NTM: variants seen among roughly 807,000 people sequenced by gnomAD.
NTM encodes the protein IgLON family member 2.
In NTM, 13 loss-of-function variants were observed where a neutral mutation model predicts 42.1. The observed-to-expected ratio is 0.31, with a 90% CI of 0.20 to 0.49. The LOEUF (loss-of-function observed/expected upper bound fraction) is 0.49, where lower values mean the gene tolerates loss of function less well. Among genes scored for constraint, NTM ranks in the 20% least tolerant of loss-of-function variants. The pLI is 0.99. For missense variants in NTM, 373 were observed against 452.8 expected, an observed-to-expected ratio of 0.82 and a Z score of 1.60; for synonymous variants, 187 against 179.2, an observed-to-expected ratio of 1.04 and a Z score of -0.35.
intron 2 of NTM, among the ~76,000 whole-genome samples, chr11:131,994,926 C>T (rs927781529): frequency 5.3e-5 from 8 of 152,152 alleles, no homozygotes; most frequent in African/African-American, 7.2e-5. Context: ...CTAGATTCCT[C>T]CCCCTCTCTT....
chr11:131,951,219 G>A (rs1409323948), intron 2 of NTM, among the ~76,000 whole-genome samples: 1 of 152,170 alleles, frequency 6.6e-6, no homozygotes, highest in Admixed American at 6.5e-5. Context: ...GAGGCTCTTA[G>A]TGTAACAGTA....
At chr11:131,975,375 T>C (rs1201584222) in intron 2 of NTM, among the ~76,000 whole-genome samples, 1 of 152,130 alleles carries the variant, frequency 6.6e-6, no homozygotes, top group Non-Finnish European at 1.5e-5. Flanking sequence ...AGATAGGGTT[T>C]CACCATGTTG....
At chr11:131,549,371 A>C (rs1281041744) in intron 1 of NTM, among the ~76,000 whole-genome samples, 2 of 152,072 alleles carry the variant, frequency 1.3e-5, no homozygotes, top group African/African-American at 4.8e-5. Flanking sequence ...CCAGGCACAA[A>C]ATTTTTTTTA....
At chr11:131,988,782 C>T (rs796927516) in intron 2 of NTM, among the ~76,000 whole-genome samples, 5 of 152,248 alleles carry the variant, frequency 3.3e-5, no homozygotes, top group African/African-American at 1.2e-4. Flanking sequence ...GCTGAGCTTA[C>T]ACAAAAAGAC....
At chr11:132,095,482 G>C (rs2060859567) in intron 2 of NTM, among the ~76,000 whole-genome samples, 1 of 152,130 alleles carries the variant, frequency 6.6e-6, no homozygotes, top group Non-Finnish European at 1.5e-5. Context: ...AACCACAGAA[G>C]GCATAGAGAG....
chr11:131,546,462 T>C (rs183667513), intron 1 of NTM, among the ~76,000 whole-genome samples: 11 of 152,306 alleles, frequency 7.2e-5, no homozygotes, highest in African/African-American at 2.6e-4. Context: ...AGCAGGGATT[T>C]CTGCAAAAAC....
At chr11:132,006,598 C>A (rs758505325) in intron 2 of NTM, among the ~76,000 whole-genome samples, 1 of 152,222 alleles carries the variant, frequency 6.6e-6, no homozygotes, top group African/African-American at 2.4e-5. Flanking sequence ...AGGCAGTCCA[C>A]AAAGCAGTGT....
chr11:132,197,655 C>A (rs1180188518), intron 3 of NTM, among the ~76,000 whole-genome samples: 2 of 120,056 alleles, frequency 1.7e-5, no homozygotes, highest in African/African-American at 6.4e-5. Context: ...CCCCTCCCCC[C>A]ACCCCACAAC....
chr11:131,758,869 G>A (rs2083704539), intron 1 of NTM, among the ~76,000 whole-genome samples: 1 of 152,096 alleles, frequency 6.6e-6, no homozygotes, highest in South Asian at 2.1e-4. Context: ...GAGGATTACA[G>A]GCATGACCCA....
chr11:131,520,493 T>C (rs6590585), intron 1 of NTM, among the ~76,000 whole-genome samples: 3,928 of 152,246 alleles, frequency 0.026, 190 homozygotes, highest in African/African-American at 0.09. Context: ...ATCTCTTTGA[T>C]GTCTGTCCAG....
At chr11:131,761,813 AAAT>A (rs1330486751) in intron 1 of NTM, among the ~76,000 whole-genome samples, 1 of 1,768 alleles carries the variant, frequency 5.7e-4, no homozygotes, top group Non-Finnish European at 1.8e-3. Flanking sequence ...CTGTCTCAAT[AAAT>A]AAATAAATAA....
chr11:132,067,791 T>C (rs935081749), intron 2 of NTM, among the ~76,000 whole-genome samples: 42 of 152,312 alleles, frequency 2.8e-4, no homozygotes, highest in African/African-American at 1.0e-3. Flanking sequence ...CTCACAGTCA[T>C]CTTTCCTTTT....
chr11:132,242,078 C>T (rs927487878), intron 4 of NTM, among the ~76,000 whole-genome samples: 6 of 152,142 alleles, frequency 3.9e-5, no homozygotes, highest in Admixed American at 1.3e-4. Context: ...CCATCTCATT[C>T]GGTTATTTTT....
chr11:132,293,583 G>C (rs2094522428), intron 4 of NTM, among the ~76,000 whole-genome samples: 1 of 152,154 alleles, frequency 6.6e-6, no homozygotes, highest in African/African-American at 2.4e-5. Flanking sequence ...TAGATGACTG[G>C]AGATTTACGC....
intron 1 of NTM, among the ~76,000 whole-genome samples, chr11:131,672,097 G>T (rs1312567749): frequency 2.6e-5 from 4 of 152,344 alleles, no homozygotes; most frequent in East Asian, 1.9e-4. Flanking sequence ...TGTTTCTGGA[G>T]TGGACTCGGC....
intron 2 of NTM, among the ~76,000 whole-genome samples, chr11:132,121,102 GGGCCA>G (rs1256554467): frequency 6.6e-6 from 1 of 152,140 alleles, no homozygotes; most frequent in African/African-American, 2.4e-5. Context: ...AAAGTAGAAG[GGGCCA>G]GCGGTTTCAT....
rs139159410 is a variant in NTM at position 131,999,964 on chromosome 11, T to A, written c.167+88316T>A. On this transcript the variant is annotated intron_variant, in intron 2 of 8. Transcript: ENST00000683400. ...CTCCCCTTCCTGCGTACTAGTGATT[T>A]CTAACATGACTTTTTTTCTTTTCTT... Among the ~76,000 whole-genome samples, 585 of 152,274 alleles carry A rather than the reference T, an allele frequency of 3.8e-3. 9 individuals carry two copies. Among genetic ancestry groups the A allele is most frequent in the African/African-American group, 0.013 (558 of 41,550 alleles).
rs11820618 is a variant in NTM at position 132,136,325 on chromosome 11, A to C, written c.168-9957A>C. Among the ~76,000 whole-genome samples the C allele has an allele frequency of 9.2e-3, 1,407 of 152,342 alleles. 18 individuals carry two copies. The highest frequency in any genetic ancestry group is 0.032 in the African/African-American group (1,328 of 41,578). On this transcript the variant is annotated intron_variant, in intron 2 of 8. Transcript: ENST00000683400. ...CTAGGCCCCAGGCAGTCATGTGGGC[A>C]CTGTGTTACCACCAAAGGTGAGAGG... is the stretch of plus-strand genomic sequence containing the variant.
At chr11:132,240,541 G>A (rs532096937) in intron 4 of NTM, among the ~76,000 whole-genome samples, 1 of 152,318 alleles carries the variant, frequency 6.6e-6, no homozygotes, top group South Asian at 2.1e-4. Flanking sequence ...ATATTCCAAT[G>A]AGGGATTGTC....
Sources: allele counts gnomAD v4.1 joint callset (sites outside exome capture counted in the v4.1 genomes callset), GRCh38; gene constraint gnomAD v4.1.1; transcripts MANE v1.5; gene names NCBI Gene and HGNC (gene_info 2026-07-23, HGNC 2026-07-21).